FAM169A: variants seen among roughly 807,000 people sequenced by gnomAD.
FAM169A encodes family with sequence similarity 169 member A, also known as soluble lamin-associated protein of 75 kDa.
Under a neutral mutation model 75.7 loss-of-function variants are expected in FAM169A, and 24 were observed. The ratio of observed to expected loss-of-function variants is 0.32; its 90% CI spans 0.23 to 0.45. FAM169A has a LOEUF of 0.45. Among genes scored for constraint, FAM169A ranks in the 20% least tolerant of loss-of-function variants. The probability of loss-of-function intolerance (pLI) is 1.00; values close to 1 mark genes in which losing one functional copy is unlikely to be tolerated. For synonymous variants in FAM169A, 271 were observed against 271.0 expected (o/e 1.00, Z 0.00); for missense variants, 673 against 784.0 (o/e 0.86, Z 1.69).
chr5:74,835,863 C>A (rs1167675322), intron 4 of FAM169A, among the ~76,000 whole-genome samples: 1 of 152,182 alleles, frequency 6.6e-6, no homozygotes, highest in Non-Finnish European at 1.5e-5. Context: ...TTATTCAGAG[C>A]TGAAATCTAT....
chr5:74,855,940 TTTTGA>T (rs1269977867), intron 1 of FAM169A, among the ~76,000 whole-genome samples: 1 of 152,234 alleles, frequency 6.6e-6, no homozygotes, highest in Non-Finnish European at 1.5e-5. Context: ...TTTTAATCCA[TTTTGA>T]TTTGGTTTTT....
intron 1 of FAM169A, among the ~76,000 whole-genome samples, chr5:74,862,742 G>A (rs1169020977): frequency 3.9e-5 from 6 of 152,172 alleles, no homozygotes; most frequent in African/African-American, 1.4e-4. Flanking sequence ...TACAAATAAA[G>A]TGTGACAACA....
In FAM169A at chr5:74,778,592, T is replaced by C. The variant is rs1745241476; in HGVS notation, c.*2868A>G. On this transcript the variant is annotated 3_prime_UTR_variant, in exon 13 of 13. Coordinates refer to ENST00000687041, the MANE Select transcript of FAM169A (RefSeq NM_001376049.1). ...TGACGTTCTAAATCATGCTGTTTGA[T>C]TTTATAAAAAAATCATAATAGACCC... 1 of 125,160 alleles carries C rather than the reference T, an allele frequency of 8.0e-6. No homozygotes were observed. Among genetic ancestry groups the C allele is most frequent in the Non-Finnish European group, 1.6e-5 (1 of 64,280 alleles). 7.8% of individuals were successfully genotyped at this position (125,160 alleles called of 1,614,324 possible). A position where few individuals can be genotyped will look rare whatever the true frequency, so the allele number is the denominator to read the frequency against.
At chr5:74,862,905 T>C (rs1043120610) in intron 1 of FAM169A, among the ~76,000 whole-genome samples, 1 of 152,144 alleles carries the variant, frequency 6.6e-6, no homozygotes, top group African/African-American at 2.4e-5. Context: ...GTAGGGCCTG[T>C]TTGTGACCTA....
intron 11 of FAM169A, among the ~76,000 whole-genome samples, chr5:74,794,028 T>C (rs1035212852): frequency 2.8e-5 from 4 of 145,440 alleles, no homozygotes; most frequent in African/African-American, 1.0e-4. Flanking sequence ...AAAGAAATAT[T>C]ACAAAAATAA....
At chr5:74,839,188 T>C in intron 3 of FAM169A, 138 bp from the exon 4 acceptor site, 2 of 634,314 alleles carry the variant, frequency 3.2e-6, no homozygotes, top group South Asian at 2.2e-5. Context: ...ATAGTAATAT[T>C]GTACTTTGTA....
At chr5:74,842,199 G>A (rs1748906719) in intron 1 of FAM169A, among the ~76,000 whole-genome samples, 1 of 150,730 alleles carries the variant, frequency 6.6e-6, no homozygotes, top group Non-Finnish European at 1.5e-5. Context: ...AGGAAGGGTG[G>A]ATCATGAGGT....
intron 5 of FAM169A, among the ~76,000 whole-genome samples, chr5:74,818,389 A>G (rs1041144276): frequency 1.9e-4 from 29 of 152,326 alleles, no homozygotes; most frequent in African/African-American, 6.5e-4. Context: ...GTGATTGCCA[A>G]TTAGTACAGG....
chr5:74,851,649 T>A (rs1034379347), intron 1 of FAM169A, among the ~76,000 whole-genome samples: 1 of 152,214 alleles, frequency 6.6e-6, no homozygotes, highest in Non-Finnish European at 1.5e-5. Context: ...TACTACATAC[T>A]GTAGTACAGT....
intron 5 of FAM169A, among the ~76,000 whole-genome samples, chr5:74,831,770 A>G (rs1748323133): frequency 6.6e-6 from 1 of 152,126 alleles, no homozygotes; most frequent in Non-Finnish European, 1.5e-5. Flanking sequence ...GGTATACGTC[A>G]AGTTATAAAT....
intron 5 of FAM169A, among the ~76,000 whole-genome samples, chr5:74,821,372 G>A (rs191508669): frequency 3.4e-4 from 52 of 152,262 alleles, no homozygotes; most frequent in Admixed American, 7.2e-4. Flanking sequence ...CTGAGCAGCT[G>A]CTTCTTCTCA....
chr5:74,838,955 A>G lies in FAM169A; in HGVS notation c.318+10T>C. On this transcript the variant is annotated intron_variant, in intron 4 of 12. Coordinates refer to ENST00000687041, the MANE Select transcript of FAM169A (RefSeq NM_001376049.1). The stretch of plus-strand genomic sequence containing the variant: ...CAAAAGAAACACTCAAAATTAGAGG[A>G]TCTTGTTACCTGCTTAAGCCCCTCT... The G allele has an allele frequency of 6.3e-7, 1 of 1,594,024 alleles. No individual in the cohort carries two copies. Among genetic ancestry groups the G allele is most frequent in the Non-Finnish European group, 8.6e-7 (1 of 1,161,680 alleles).
chr5:74,824,332 A>G (rs1747909628), intron 5 of FAM169A, among the ~76,000 whole-genome samples: 1 of 152,192 alleles, frequency 6.6e-6, no homozygotes, highest in Non-Finnish European at 1.5e-5. Flanking sequence ...ACACTAAAAT[A>G]CGGTATGCTA....
At position 74,778,810 on chromosome 5, in the gene FAM169A, G is replaced by C. The variant is rs1482727307; in HGVS notation, c.*2650C>G. ...TCCCTTCACAAATAAGTTCACAAAG[G>C]ACTATGTGTAATGTGACTGGACATT... On this transcript the variant is annotated 3_prime_UTR_variant, in exon 13 of 13. Transcript: ENST00000687041. 1 of 151,998 alleles carries C rather than the reference G, an allele frequency of 6.6e-6. No individual in the cohort carries two copies. The highest frequency in any genetic ancestry group is 1.5e-5 in the Non-Finnish European group (1 of 67,910). The allele number at this position is 151,998 out of a possible 1,614,324, so 9.4% of individuals were successfully genotyped here.
chr5:74,846,719 C>T lies in FAM169A; in HGVS notation c.-3-5040G>A, dbSNP rs550009490. ...AGCTAAGACCACAAGTACACACTAT[C>T]GCACCCAGCTAGTCTGTATTTTTTA... On this transcript the variant is annotated intron_variant, in intron 1 of 12. Transcript: ENST00000687041. Among the ~76,000 whole-genome samples the T allele has an allele frequency of 9.8e-5, 15 of 152,308 alleles. No homozygotes were observed. The South Asian group carries it at 2.3e-3, about 23-fold the overall frequency.
intron 1 of FAM169A, among the ~76,000 whole-genome samples, chr5:74,856,830 C>T (rs1749731442): frequency 6.7e-6 from 1 of 149,918 alleles, no homozygotes. Context: ...AAAAAAAAGG[C>T]CAGGTGCAGT....
chr5:74,860,839 A>G (rs1749994938), intron 1 of FAM169A, among the ~76,000 whole-genome samples: 1 of 151,426 alleles, frequency 6.6e-6, no homozygotes, highest in Non-Finnish European at 1.5e-5. Flanking sequence ...AAAAAAAAAA[A>G]AAAAAAAAAA....
chr5:74,788,231 C>T (rs1003544167), intron 11 of FAM169A, among the ~76,000 whole-genome samples: 14 of 152,158 alleles, frequency 9.2e-5, no homozygotes, highest in African/African-American at 3.1e-4. Flanking sequence ...GACTTACAGT[C>T]GGTCCAGTGG....
At chr5:74,849,632 T>A (rs1458994801) in intron 1 of FAM169A, among the ~76,000 whole-genome samples, 1 of 152,132 alleles carries the variant, frequency 6.6e-6, no homozygotes, top group African/African-American at 2.4e-5. Context: ...CTGAACCTTA[T>A]TATGATTCCT....
Sources: gnomAD v4.1 joint callset for allele counts (sites outside exome capture counted in the v4.1 genomes callset) on GRCh38, gnomAD v4.1.1 for gene constraint, MANE v1.5 for transcripts, NCBI Gene and HGNC (gene_info 2026-07-23, HGNC 2026-07-21) for gene names.